Variants in SECISBP2L observed in about 807,000 individuals in gnomAD.
The protein encoded by SECISBP2L is selenocysteine insertion sequence-binding protein 2-like.
SECISBP2L carries 43 observed loss-of-function variants against 114.7 expected under a neutral mutation model. The observed-to-expected ratio is 0.38, with a 90% CI of 0.29 to 0.48. The LOEUF (loss-of-function observed/expected upper bound fraction) is 0.48. SECISBP2L is among the 20% of genes least tolerant of loss of function. The pLI is 0.98. For synonymous variants in SECISBP2L, 451 were observed against 439.7 expected, an observed-to-expected ratio of 1.03 and a Z score of -0.32; for missense variants, 1,136 against 1,301.1, an observed-to-expected ratio of 0.87 and a Z score of 1.95.
intron 14 of SECISBP2L, among the ~76,000 whole-genome samples, chr15:49,006,653 C>T (rs1311907745): frequency 1.3e-5 from 2 of 152,088 alleles, no homozygotes; most frequent in Non-Finnish European, 2.9e-5. Flanking sequence ...ATTCCTCTAA[C>T]CTTTTTTCAA....
rs1033340376 is a variant in SECISBP2L at position 48,990,548 on chromosome 15, T to C, written c.*1696A>G. On this transcript the variant is annotated 3_prime_UTR_variant, in exon 18 of 18. Transcript: ENST00000559471. ...CCTTTTAGCACAATAATAAAGTTGA[T>C]TGACTAACATTTTCTACACAGCTCC... The C allele has an allele frequency of 6.6e-6, 1 of 152,544 alleles. No individual in the cohort carries two copies. The highest frequency in any genetic ancestry group is 2.4e-5 in the African/African-American group (1 of 41,426). The allele number at this position is 152,544 out of a possible 1,614,324, so 9.4% of individuals were successfully genotyped here.
Position 49,033,044 on chromosome 15 carries a change from A to G in SECISBP2L, c.585T>C (p.Ala195=), listed in dbSNP as rs907443161. The change falls in exon 4 of 18, where the codon GCT becomes GCC. Residue 195 remains alanine (A), a synonymous_variant. Transcript: ENST00000559471. ...KSKRPLVKNV[A]TQKETNAAGP... ...CTGCTGCATTTGTTTCTTTCTGAGT[A>G]GCTACATTTTTCACCAGCGGCCTTT... The G allele has an allele frequency of 6.2e-7, 1 of 1,614,142 alleles. No individual in the cohort carries two copies. Among genetic ancestry groups the G allele is most frequent in the South Asian group, 1.1e-5 (1 of 91,080 alleles).
At chr15:49,000,498 G>C (rs1902179274) in intron 15 of SECISBP2L, among the ~76,000 whole-genome samples, 1 of 152,202 alleles carries the variant, frequency 6.6e-6, no homozygotes, top group Admixed American at 6.5e-5. Flanking sequence ...AAGTACTTGT[G>C]TGCTGGTTTG....
intron 11 of SECISBP2L, 133 bp downstream of exon 11, chr15:49,016,423 AACAC>A: frequency 2.8e-6 from 2 of 705,818 alleles, no homozygotes; most frequent in Admixed American, 7.2e-5. Context: ...CACACACACA[AACAC>A]ACATACATAT....
intron 1 of SECISBP2L, chr15:49,042,540 C>A (rs1903162590): frequency 6.6e-6 from 1 of 152,162 alleles, no homozygotes; most frequent in Admixed American, 6.5e-5. Context: ...ATACCTGATC[C>A]ACATAGCACA....
intron 4 of SECISBP2L, among the ~76,000 whole-genome samples, chr15:49,030,752 C>T (rs1452679153): frequency 6.6e-6 from 1 of 152,150 alleles, no homozygotes; most frequent in East Asian, 1.9e-4. Context: ...GTAATGCTAT[C>T]TGTCATCTTC....
intron 7 of SECISBP2L, among the ~76,000 whole-genome samples, chr15:49,026,510 C>T (rs535791347): frequency 1.6e-4 from 25 of 152,114 alleles, no homozygotes; most frequent in African/African-American, 5.8e-4. Context: ...TATCATGTGT[C>T]GACTAGAAAG....
Position 49,011,724 on chromosome 15 carries a change from TC to T in SECISBP2L, c.1864+6del. 4 of 1,613,848 alleles carry T rather than the reference TC, an allele frequency of 2.5e-6. No individual in the cohort carries two copies. Among genetic ancestry groups the T allele is most frequent in the Non-Finnish European group, 3.4e-6 (4 of 1,179,846 alleles). On this transcript the variant is annotated splice_donor_region_variant and intron_variant, in intron 13 of 17. Transcript: ENST00000559471. ...CATGAGAAGAGGAGAAAGGGGGAGC[TC>T]CTTACCTTCCTGGGAAACAATCTCC...
rs963684223 is a variant in SECISBP2L, at chr15:49,000,939, A to G, written c.2186T>C (p.Met729Thr). The G allele has an allele frequency of 1.1e-5, 17 of 1,613,804 alleles. No individual in the cohort carries two copies. Among genetic ancestry groups the G allele is most frequent in the East Asian group, 2.2e-5 (1 of 44,848 alleles). The change falls in exon 15 of 18, where the codon ATG becomes ACG. Residue 729 changes from methionine to threonine, a missense_variant. Met to Thr is a moderately conservative substitution (Grantham distance 81). Around this residue, in one of 2 missense-constraint regions of SECISBP2L, gnomAD observed 684 missense variants for 848.7 expected, o/e 0.81. Transcript: ENST00000559471. ...VMGLREVTKH[M>T]KLNKIKCVII... ...AACACACTTGATCTTGTTTAACTTC[A>G]TATGTTTGGTAACTTCTCTTAGACC...
At chr15:49,003,665 T>C (rs961859408) in intron 14 of SECISBP2L, among the ~76,000 whole-genome samples, 7 of 152,248 alleles carry the variant, frequency 4.6e-5, no homozygotes, top group African/African-American at 1.7e-4. Flanking sequence ...TTGAATTTTA[T>C]CGAGGGCCTC....
intron 14 of SECISBP2L, among the ~76,000 whole-genome samples, chr15:49,004,387 A>G (rs1292455622): frequency 6.6e-6 from 1 of 152,088 alleles, no homozygotes; most frequent in East Asian, 1.9e-4. Flanking sequence ...ACCAGCTCCT[A>G]GATTCATTGA....
chr15:49,016,722 A>T, intron 10 of SECISBP2L, 21 bp from the exon 11 acceptor site: 1 of 1,524,730 alleles, frequency 6.6e-7, no homozygotes. Context: ...AATATAAAAA[A>T]TTAATTTTTT....
chr15:48,992,258 T>C lies in SECISBP2L; in HGVS notation c.3292A>G (p.Thr1098Ala), dbSNP rs372793724. ...NKEHSDSNYT[T>A]QTT ...CATTTCCTGAGTTACGTAGTTTGCG[T>C]TGTGTAATTAGAATCAGAGTGCTCT... The change falls in exon 18 of 18, where the codon ACG (threonine) becomes GCG (alanine). Residue 1098 changes from threonine (T) to alanine (A), a missense_variant. Physicochemically the swap from Thr to Ala is moderately conservative, Grantham distance 58. Around this residue, in one of 2 missense-constraint regions of SECISBP2L, gnomAD observed 684 missense variants for 848.7 expected, o/e 0.81. Coordinates refer to ENST00000559471, the MANE Select transcript of SECISBP2L (RefSeq NM_001193489.2). 7 of 1,603,922 alleles carry C rather than the reference T, an allele frequency of 4.4e-6. No homozygotes were observed. Among genetic ancestry groups the C allele is most frequent in the Non-Finnish European group, 6.0e-6 (7 of 1,174,308 alleles).
chr15:49,023,766 G>A (rs553718115), intron 7 of SECISBP2L, among the ~76,000 whole-genome samples: 15 of 152,288 alleles, frequency 9.8e-5, no homozygotes, highest in African/African-American at 3.6e-4. Flanking sequence ...TGTTAAGTGA[G>A]CAAAGCAGAG....
chr15:49,025,331 T>C lies in SECISBP2L; in HGVS notation c.1035+2034A>G, dbSNP rs1179101106. ...GCTTGGGACCAGAAGTGTTTTGAAT[T>C]TCAGACTTTTTCAGATTCTGGAATA... is the stretch of plus-strand genomic sequence containing the variant. On this transcript the variant is annotated intron_variant, in intron 7 of 17. Transcript: ENST00000559471. Among the ~76,000 whole-genome samples, 3 of 152,186 alleles carry C rather than the reference T, an allele frequency of 2.0e-5. No individual in the cohort carries two copies. The East Asian group carries it at 5.8e-4, about 29-fold the overall frequency.
intron 14 of SECISBP2L, among the ~76,000 whole-genome samples, chr15:49,005,175 C>T (rs1262595313): frequency 6.6e-6 from 1 of 152,118 alleles, no homozygotes; most frequent in Non-Finnish European, 1.5e-5. Context: ...ACTAAAAATA[C>T]AAAAATTAGC....
intron 14 of SECISBP2L, among the ~76,000 whole-genome samples, chr15:49,006,363 C>T (rs554386102): frequency 1.0e-3 from 158 of 152,260 alleles, no homozygotes; most frequent in South Asian, 2.9e-3. Context: ...GTTCCATTCT[C>T]CTCGTCACTT....
At chr15:49,009,521 A>G (rs1902394501) in intron 13 of SECISBP2L, 143 bp from the exon 14 acceptor site, 2 of 690,996 alleles carry the variant, frequency 2.9e-6, no homozygotes, top group African/African-American at 1.8e-5. Flanking sequence ...GGCATTTTTC[A>G]TATCACAAAT....
intron 14 of SECISBP2L, 99 bp downstream of exon 14, chr15:49,009,117 T>G (rs1327999942): frequency 1.9e-5 from 25 of 1,294,368 alleles, no homozygotes; most frequent in Non-Finnish European, 2.7e-5. Flanking sequence ...TCTGGTCTTT[T>G]GTCTGCTTGA....
Sources: gnomAD v4.1 joint callset for allele counts (sites outside exome capture counted in the v4.1 genomes callset) on GRCh38, gnomAD v4.1.1 for gene constraint, gnomAD v4.1.1 regional missense constraint, MANE v1.5 for transcripts, NCBI Gene and HGNC (gene_info 2026-07-23, HGNC 2026-07-21) for gene names.